The following MSRA variants were observed in gnomAD, a reference collection of about 807,000 sequenced individuals.
MSRA encodes mitochondrial peptide methionine sulfoxide reductase.
A neutral mutation model predicts 31.3 loss-of-function variants in MSRA; 54 were observed. The observed-to-expected ratio is 1.73, with a 90% CI of 1.39 to 2.17. The LOEUF is 2.17. Among genes scored for constraint, MSRA ranks in the 30% most tolerant of loss-of-function variants. The pLI is 0.00. For synonymous variants in MSRA, 169 were observed against 116.5 expected (o/e 1.45, Z -2.90); for missense variants, 507 against 300.9 (o/e 1.69, Z -5.07).
chr8:10,141,863 G>A (rs904261436), intron 1 of MSRA, among the ~76,000 whole-genome samples: 2 of 152,184 alleles, frequency 1.3e-5, no homozygotes, highest in African/African-American at 2.4e-5. Flanking sequence ...GTTGCACTGT[G>A]CCTAGCTGGT....
intron 3 of MSRA, among the ~76,000 whole-genome samples, chr8:10,282,341 A>G (rs958164565): frequency 6.6e-6 from 1 of 152,214 alleles, no homozygotes; most frequent in African/African-American, 2.4e-5. Context: ...CTTTGAACTT[A>G]TTTTCATCAA....
intron 1 of MSRA, among the ~76,000 whole-genome samples, chr8:10,119,957 G>A (rs1585192168): frequency 6.6e-6 from 1 of 152,200 alleles, no homozygotes; most frequent in East Asian, 1.9e-4. Flanking sequence ...CCAAAAAGGG[G>A]CAAGAAGAGA....
At chr8:10,395,588 A>G (rs4841329) in intron 5 of MSRA, among the ~76,000 whole-genome samples, 57,809 of 152,126 alleles carry the variant, frequency 0.38, 12,431 homozygotes, top group Non-Finnish European at 0.5. Context: ...AGGCTCTTGC[A>G]GAAGTCCAGG....
chr8:10,335,614 T>A (rs1802992075), intron 5 of MSRA, among the ~76,000 whole-genome samples: 1 of 152,122 alleles, frequency 6.6e-6, no homozygotes, highest in Non-Finnish European at 1.5e-5. Context: ...TGGAGAAGTC[T>A]TGGAGGGGAA....
intron 4 of MSRA, among the ~76,000 whole-genome samples, chr8:10,310,586 AATG>A (rs1801381474): frequency 6.6e-6 from 1 of 152,216 alleles, no homozygotes; most frequent in Admixed American, 6.5e-5. Context: ...AGCTGTGCGC[AATG>A]CTAAGTGCTC....
intron 5 of MSRA, among the ~76,000 whole-genome samples, chr8:10,375,771 G>A (rs1310887613): frequency 6.6e-6 from 1 of 152,196 alleles, no homozygotes; most frequent in African/African-American, 2.4e-5. Context: ...CCAAGTGGTC[G>A]AGACTTTACA....
rs530448541 is a variant in MSRA at position 10,107,266 on chromosome 8, G to GT, written c.142+52619dup. ...TTCAGAATATGAGAGTTTCATGAGT[G>GT]TTTTTTTTTTTAATTTAACACTTAA... On this transcript the variant is annotated intron_variant, in intron 1 of 5. Coordinates refer to ENST00000317173, the MANE Select transcript of MSRA (RefSeq NM_012331.5). Among the ~76,000 whole-genome samples, 1,317 of 146,072 alleles carry GT rather than the reference G, an allele frequency of 9.0e-3. 15 individuals carry two copies. Among genetic ancestry groups the GT allele is most frequent in the African/African-American group, 0.025 (995 of 40,030 alleles).
At chr8:10,059,956 A>T (rs1470239419) in intron 1 of MSRA, among the ~76,000 whole-genome samples, 1 of 152,268 alleles carries the variant, frequency 6.6e-6, no homozygotes, top group African/African-American at 2.4e-5. Context: ...AACTTTGACG[A>T]TACACTGTGT....
chr8:10,283,828 T>TACAC (rs1289199754), intron 3 of MSRA, among the ~76,000 whole-genome samples: 791 of 68,466 alleles, frequency 0.012, 14 homozygotes, highest in African/African-American at 0.04. Flanking sequence ...TATATATATA[T>TACAC]ATATATATAC....
intron 4 of MSRA, among the ~76,000 whole-genome samples, chr8:10,308,595 C>T (rs1285587357): frequency 1.3e-5 from 2 of 152,236 alleles, no homozygotes; most frequent in South Asian, 2.1e-4. Flanking sequence ...GGACTCTTTA[C>T]AGTGGCCAGT....
intron 3 of MSRA, among the ~76,000 whole-genome samples, chr8:10,281,004 G>A (rs190586011): frequency 1.0e-3 from 157 of 152,332 alleles, no homozygotes; most frequent in African/African-American, 3.6e-3. Context: ...GGACGGGGGA[G>A]ATGGTGGGTT....
At chr8:10,360,649 C>G (rs990047999) in intron 5 of MSRA, among the ~76,000 whole-genome samples, 1 of 152,222 alleles carries the variant, frequency 6.6e-6, no homozygotes, top group African/African-American at 2.4e-5. Context: ...ACGAAACTGT[C>G]TAACTCTGGG....
intron 1 of MSRA, among the ~76,000 whole-genome samples, chr8:10,148,775 C>G (rs1803386787): frequency 1.4e-5 from 2 of 147,378 alleles, no homozygotes; most frequent in Non-Finnish European, 3.0e-5. Context: ...GCACTCTATC[C>G]TGGGTGAAAG....
At chr8:10,353,910 G>C in intron 5 of MSRA, 1 of 226,246 alleles carries the variant, frequency 4.4e-6, no homozygotes, top group South Asian at 6.0e-5. Flanking sequence ...AGGGCTTTAA[G>C]GATACAAAGG....
intron 3 of MSRA, among the ~76,000 whole-genome samples, chr8:10,263,365 T>C (rs2952190): frequency 0.32 from 48,822 of 152,026 alleles, 8,733 homozygotes; most frequent in Admixed American, 0.47. Flanking sequence ...GCTTCAGTGC[T>C]TACCATTCAT....
intron 1 of MSRA, among the ~76,000 whole-genome samples, chr8:10,065,018 G>A (rs150180218): frequency 3.3e-5 from 5 of 152,226 alleles, no homozygotes; most frequent in Admixed American, 1.3e-4. Flanking sequence ...CAGAGCCCCC[G>A]AGAAGGCATT....
intron 1 of MSRA, among the ~76,000 whole-genome samples, chr8:10,092,065 G>T (rs1173549515): frequency 7.1e-6 from 1 of 140,166 alleles, no homozygotes; most frequent in Non-Finnish European, 1.6e-5. Context: ...ATTCTAACAG[G>T]TGTGAGTTAA....
intron 1 of MSRA, among the ~76,000 whole-genome samples, chr8:10,073,993 T>C (rs1319248018): frequency 1.3e-5 from 2 of 150,382 alleles, no homozygotes; most frequent in East Asian, 1.9e-4. Context: ...AGTGTTGCTT[T>C]CTATACGTGA....
chr8:10,162,618 C>T (rs1299638551), intron 1 of MSRA, among the ~76,000 whole-genome samples: 3 of 152,126 alleles, frequency 2.0e-5, no homozygotes, highest in Non-Finnish European at 2.9e-5. Context: ...AGGGGAAACC[C>T]GTAGCTCTGT....
Sources: allele counts gnomAD v4.1 joint callset (sites outside exome capture counted in the v4.1 genomes callset), GRCh38; gene constraint gnomAD v4.1.1; transcripts MANE v1.5; gene names NCBI Gene and HGNC (gene_info 2026-07-23, HGNC 2026-07-21).